THUMPD1: variants seen among roughly 807,000 people sequenced by gnomAD.
THUMPD1 encodes THUMP domain-containing protein 1.
THUMPD1 carries 31 observed loss-of-function variants against 31.6 expected under a neutral mutation model. That is an observed-to-expected ratio of 0.98 (90% CI 0.74 to 1.32). The LOEUF (loss-of-function observed/expected upper bound fraction) is 1.32, where lower values mean the gene tolerates loss of function less well. Among genes scored for constraint, THUMPD1 ranks in the 40% most tolerant of loss-of-function variants. The pLI is 0.00. For missense variants in THUMPD1, 446 were observed against 427.8 expected (o/e 1.04, Z -0.38); for synonymous variants, 166 against 158.2 (o/e 1.05, Z -0.37).
chr16:20,738,873 A>C lies in THUMPD1; in HGVS notation c.406+24T>G, dbSNP rs529028138. On this transcript the variant is annotated intron_variant, in intron 2 of 3. Transcript: ENST00000396083. ...GATACCCAGATGTTATGAGATCGAT[A>C]ATCTTAGCAAGTATTTGTCACACCT... The C allele has an allele frequency of 1.9e-6, 3 of 1,610,682 alleles. No homozygotes were observed. In the African/African-American group the frequency reaches 4.0e-5, roughly 21 times the overall value.
At position 20,734,661 on chromosome 16, in the gene THUMPD1, A is replaced by G. The variant is rs890235548; in HGVS notation, c.*2219T>C. The G allele has an allele frequency of 2.6e-4, 40 of 152,338 alleles. No homozygotes were observed. Among genetic ancestry groups the G allele is most frequent in the Admixed American group, 2.6e-4 (4 of 15,296 alleles). The allele number at this position is 152,338 out of a possible 1,614,324, so 9.4% of individuals were successfully genotyped here. ...GCTCCTTAATATTCTTAATCTGGAC[A>G]GTTAATTTTGCAGACTTTGTTGGTG... On this transcript the variant is annotated 3_prime_UTR_variant, in exon 4 of 4. Coordinates refer to ENST00000396083, the MANE Select transcript of THUMPD1 (RefSeq NM_017736.5).
intron 1 of THUMPD1, 106 bp downstream of exon 1, chr16:20,741,403 C>T (rs1281963966): frequency 1.4e-6 from 2 of 1,381,638 alleles, no homozygotes; most frequent in East Asian, 5.0e-5. Context: ...AGCCGTCACG[C>T]CGACGACCCG....
In THUMPD1 at chr16:20,741,536, G is replaced by T; in HGVS notation, c.204C>A (p.Tyr68Ter). The T allele has an allele frequency of 7.4e-7, 1 of 1,344,678 alleles. No individual in the cohort carries two copies. The highest frequency in any genetic ancestry group is 9.8e-7 in the Non-Finnish European group (1 of 1,020,924). 83.3% of individuals were successfully genotyped at this position (1,344,678 alleles called of 1,614,324 possible). Residue 68 changes from tyrosine (Y) to a stop codon, truncating the protein, a stop_gained, in exon 1 of 4, where the codon TAC becomes TAA. Coordinates refer to ENST00000396083, the MANE Select transcript of THUMPD1 (RefSeq NM_017736.5). LOFTEE classifies it high-confidence loss of function. ...TTTCTGGCCCATACATGTCGTCGCC[G>T]TATTCGTTGAGGAGGCTGTAGGCCT... ...VEEAYSLLNEYGDDMYGPEKF... is the reference protein window; with the variant it reads ...VEEAYSLLNE
intron 3 of THUMPD1, 79 bp from the exon 4 acceptor site, chr16:20,737,365 TTTC>T: frequency 6.9e-7 from 1 of 1,440,326 alleles, no homozygotes; most frequent in Non-Finnish European, 9.3e-7. Flanking sequence ...TTTGTCTCTG[TTTC>T]TTGTTAAAAC....
intron 1 of THUMPD1, 92 bp from the exon 2 acceptor site, chr16:20,739,163 T>A: frequency 7.8e-7 from 1 of 1,277,166 alleles, no homozygotes; most frequent in East Asian, 2.5e-5. Context: ...TGGCGGCAGG[T>A]GGCTCAGTAT....
chr16:20,735,107 C>A lies in THUMPD1; in HGVS notation c.*1773G>T, dbSNP rs1433221799. 1 of 152,136 alleles carries A rather than the reference C, an allele frequency of 6.6e-6. No homozygotes were observed. Among genetic ancestry groups the A allele is most frequent in the Non-Finnish European group, 1.5e-5 (1 of 68,030 alleles). The allele number at this position is 152,136 out of a possible 1,614,324, so 9.4% of individuals were successfully genotyped here. On this transcript the variant is annotated 3_prime_UTR_variant, in exon 4 of 4. Transcript: ENST00000396083. ...TTCCTTTTAGATCTAAGAGTCTTGT[C>A]GCTTTAAGAAAAATTTTTTTCCCCA... is the stretch of plus-strand genomic sequence containing the variant.
chr16:20,740,569 C>G (rs1275742804), intron 1 of THUMPD1, among the ~76,000 whole-genome samples: 1 of 152,236 alleles, frequency 6.6e-6, no homozygotes, highest in African/African-American at 2.4e-5. Flanking sequence ...AAGCAACTCA[C>G]TAGCCAGTCT....
At chr16:20,738,750 G>T in intron 2 of THUMPD1, 147 bp downstream of exon 2, 1 of 896,788 alleles carries the variant, frequency 1.1e-6, no homozygotes, top group Non-Finnish European at 1.7e-6. Flanking sequence ...CCTCTCCACA[G>T]GCCAACTGCT....
intron 1 of THUMPD1, among the ~76,000 whole-genome samples, chr16:20,740,004 C>T (rs867310252): frequency 6.6e-6 from 1 of 152,142 alleles, no homozygotes; most frequent in Non-Finnish European, 1.5e-5. Context: ...GTGCCTCACA[C>T]GACACTGTCC....
chr16:20,737,312 A>G (rs774943784), intron 3 of THUMPD1, 26 bp from the exon 4 acceptor site: 1 of 1,582,856 alleles, frequency 6.3e-7, no homozygotes, highest in Non-Finnish European at 8.6e-7. Context: ...AAAAACACAT[A>G]GCTGAGGAGG....
chr16:20,741,796 G>C lies in THUMPD1; in HGVS notation c.-57C>G. 3.2e-6 allele frequency: 5 copies of C among 1,546,630 alleles called. No individual in the cohort carries two copies. Among genetic ancestry groups the C allele is most frequent in the South Asian group, 1.2e-5 (1 of 84,060 alleles). On this transcript the variant is annotated 5_prime_UTR_variant, in exon 1 of 4. Transcript: ENST00000396083. ...TTTCTCCGCTGCTGTTGGCGTCCTCGTCTATCGCCGGCGCGAACTGGTGAC... is the reference window on the plus strand; with the variant it reads ...TTTCTCCGCTGCTGTTGGCGTCCTCCTCTATCGCCGGCGCGAACTGGTGAC...
chr16:20,738,006 A>G, intron 2 of THUMPD1, 50 bp from the exon 3 acceptor site: 2 of 1,522,102 alleles, frequency 1.3e-6, no homozygotes, highest in Non-Finnish European at 1.8e-6. Context: ...CATCTTAAAG[A>G]TCGAACTCTA....
At chr16:20,738,140 G>A in intron 2 of THUMPD1, 184 bp from the exon 3 acceptor site, 3 of 685,090 alleles carry the variant, frequency 4.4e-6, no homozygotes, top group South Asian at 4.3e-5. Flanking sequence ...GTACTATAAT[G>A]TATCTAATAT....
At chr16:20,741,482 C>CCG in intron 1 of THUMPD1, 27 bp downstream of exon 1, 1 of 160,348 alleles carries the variant, frequency 6.2e-6, no homozygotes, top group Non-Finnish European at 1.3e-5. Context: ...TGGCAGCCGG[C>CCG]CCGCCCGCCC....
chr16:20,737,945 A>G lies in THUMPD1; in HGVS notation c.418T>C (p.Leu140=). The stretch of plus-strand genomic sequence containing the variant: ...ATATCCTGGAGAATATGATGCACCA[A>G]TTTCTCAGGCTCTTAAGAAAAAAAA... The part of the protein sequence containing the change: ...IRTLGIEPEK[L]VHHILQDMYK... Residue 140 remains leucine (L), a synonymous_variant, in exon 3 of 4, where the codon TTG becomes CTG. Coordinates refer to ENST00000396083, the MANE Select transcript of THUMPD1 (RefSeq NM_017736.5). 3 of 1,591,492 alleles carry G rather than the reference A, an allele frequency of 1.9e-6. No individual in the cohort carries two copies. The highest frequency in any genetic ancestry group is 2.6e-6 in the Non-Finnish European group (3 of 1,171,396).
chr16:20,738,776 A>C, intron 2 of THUMPD1, 121 bp downstream of exon 2: 1 of 1,128,090 alleles, frequency 8.9e-7, no homozygotes, highest in Admixed American at 2.0e-5. Context: ...AGTGTACAGA[A>C]GCTGCCATCA....
At position 20,735,824 on chromosome 16, in the gene THUMPD1, A is replaced by G. The variant is rs1213587793; in HGVS notation, c.*1056T>C. On this transcript the variant is annotated 3_prime_UTR_variant, in exon 4 of 4. Coordinates refer to ENST00000396083, the MANE Select transcript of THUMPD1 (RefSeq NM_017736.5). ...CAAAACCTTTTTTGCATCATATGAC[A>G]TATCATCAGTAAATCAACTTATTGA... The G allele has an allele frequency of 6.6e-6, 1 of 152,244 alleles. No homozygotes were observed. Among genetic ancestry groups the G allele is most frequent in the Non-Finnish European group, 1.5e-5 (1 of 68,048 alleles). The allele number at this position is 152,244 out of a possible 1,614,324, so 9.4% of individuals were successfully genotyped here. A position where few individuals can be genotyped will look rare whatever the true frequency, so the allele number is the denominator to read the frequency against.
chr16:20,738,472 T>C (rs1377705621), intron 2 of THUMPD1, among the ~76,000 whole-genome samples: 1 of 152,160 alleles, frequency 6.6e-6, no homozygotes, highest in African/African-American at 2.4e-5. Flanking sequence ...CTTGCCTACA[T>C]ACAAGTATAT....
At chr16:20,740,175 T>C (rs555349770) in intron 1 of THUMPD1, among the ~76,000 whole-genome samples, 1 of 152,318 alleles carries the variant, frequency 6.6e-6, no homozygotes, top group East Asian at 1.9e-4. Context: ...GGCGGATCCC[T>C]TGAGCCTAGG....
Sources: allele counts gnomAD v4.1 joint callset (sites outside exome capture counted in the v4.1 genomes callset), GRCh38; gene constraint gnomAD v4.1.1; transcripts MANE v1.5; gene names NCBI Gene and HGNC (gene_info 2026-07-23, HGNC 2026-07-21).